The following RXRA variants were observed in gnomAD, a reference collection of about 807,000 sequenced individuals.
RXRA encodes retinoic acid receptor RXR-alpha.
Under a neutral mutation model 44.5 loss-of-function variants are expected in RXRA, and 5 were observed. That is an observed-to-expected ratio of 0.11 (90% confidence interval 0.06 to 0.24). The LOEUF is 0.24. Among genes scored for constraint, RXRA ranks in the 10% least tolerant of loss-of-function variants. The pLI, the probability that RXRA is intolerant of heterozygous loss-of-function variation, is 1.00. For missense variants in RXRA, 412 were observed against 646.5 expected (o/e 0.64, Z 3.93); for synonymous variants, 291 against 271.4 (o/e 1.07, Z -0.71).
At chr9:134,375,104 G>GTGTATATAAC (rs1340671326) in intron 1 of RXRA, among the ~76,000 whole-genome samples, 1 of 152,190 alleles carries the variant, frequency 6.6e-6, no homozygotes, top group Admixed American at 6.5e-5. Context: ...CTCTGGGAAG[G>GTGTATATAAC]CTTCCTGGAG....
intron 1 of RXRA, among the ~76,000 whole-genome samples, chr9:134,377,363 AGAGCATGGGAGGCCTG>A (rs1003864703): frequency 1.0e-3 from 159 of 152,320 alleles, no homozygotes; most frequent in Admixed American, 3.2e-3. Context: ...CAGGTGGCCC[AGAGCATGGGAGGCCTG>A]GAGCATGGGA....
At chr9:134,331,756 T>C (rs1329053974) in intron 1 of RXRA, among the ~76,000 whole-genome samples, 1 of 130,496 alleles carries the variant, frequency 7.7e-6, no homozygotes, top group Non-Finnish European at 1.6e-5. Context: ...GGCCAGCCTT[T>C]GTGTCCCGCT....
Position 134,417,200 on chromosome 9 carries a change from A to G in RXRA, c.653A>G (p.Asn218Ser). ...CAGCGTGGCAAGGACCGGAACGAGA[A>G]TGAGGTGGAGTCGACCAGCAGCGCC... Reference protein sequence around the residue: ...ERQRGKDRNENEVESTSSANE... With the variant: ...ERQRGKDRNESEVESTSSANE... Residue 218 changes from asparagine (N) to serine (S), a missense_variant, in exon 5 of 10, where the codon AAT (asparagine) becomes AGT (serine). Physicochemically the swap from Asn to Ser is conservative, Grantham distance 46 (BLOSUM62 1). This residue lies in a region of RXRA where 67 missense variants were observed against 78.7 expected (regional missense o/e 0.85). Transcript: ENST00000481739. The surrounding 1 kb of genome is among the most constrained non-coding windows in gnomAD (Gnocchi z 6.1). The G allele has an allele frequency of 6.2e-7, 1 of 1,613,460 alleles. No individual in the cohort carries two copies. Among genetic ancestry groups the G allele is most frequent in the South Asian group, 1.1e-5 (1 of 91,090 alleles).
intron 3 of RXRA, among the ~76,000 whole-genome samples, chr9:134,408,683 G>A (rs1415907008): frequency 1.3e-5 from 2 of 152,254 alleles, no homozygotes; most frequent in Non-Finnish European, 2.9e-5. Context: ...GCACAGTGCA[G>A]ACACAGAGCA....
intron 1 of RXRA, among the ~76,000 whole-genome samples, chr9:134,376,182 C>T (rs973670017): frequency 6.6e-6 from 1 of 152,318 alleles, no homozygotes. Flanking sequence ...CCTCTGCAGG[C>T]GCAGCCAGGC....
At chr9:134,383,515 C>T (rs1830675978) in intron 1 of RXRA, among the ~76,000 whole-genome samples, 1 of 152,162 alleles carries the variant, frequency 6.6e-6, no homozygotes, top group African/African-American at 2.4e-5. Flanking sequence ...GAGACCGCAC[C>T]ACTTAGCTGT....
intron 1 of RXRA, among the ~76,000 whole-genome samples, chr9:134,371,548 C>T (rs548107523): frequency 3.9e-5 from 6 of 152,388 alleles, no homozygotes; most frequent in South Asian, 2.1e-4. Flanking sequence ...CCCTAGGCCT[C>T]GCCCCTAACA....
chr9:134,412,836 T>C (rs1831171111), intron 4 of RXRA, among the ~76,000 whole-genome samples: 1 of 152,154 alleles, frequency 6.6e-6, no homozygotes, highest in African/African-American at 2.4e-5. Context: ...GACATTGGTC[T>C]AGAGGGGGCA....
At chr9:134,422,605 A>AGGACGCTCCCCACTCCCG (rs1564295210) in intron 6 of RXRA, 1 of 802,938 alleles carries the variant, frequency 1.2e-6, no homozygotes, top group Non-Finnish European at 1.4e-6. Flanking sequence ...CCCCGCTCCC[A>AGGACGCTCCCCACTCCCG]GGACGCTCCC....
chr9:134,371,623 C>T (rs528480107), intron 1 of RXRA, among the ~76,000 whole-genome samples: 4 of 152,386 alleles, frequency 2.6e-5, no homozygotes, highest in African/African-American at 7.2e-5. Flanking sequence ...CAGGGCCTGG[C>T]GGCCAGCTCT....
intron 2 of RXRA, 46 bp from the exon 3 acceptor site, chr9:134,408,103 C>A (rs1805352): frequency 0.66 from 963,677 of 1,460,986 alleles, 324,488 homozygotes; most frequent in East Asian, 0.76. Context: ...GACATAGGGA[C>A]AAACCTGGTG....
At chr9:134,416,088 G>A (rs1831229631) in intron 4 of RXRA, among the ~76,000 whole-genome samples, 1 of 152,108 alleles carries the variant, frequency 6.6e-6, no homozygotes, top group Non-Finnish European at 1.5e-5. Flanking sequence ...GACGTGTCTC[G>A]GGGGAACCGC....
At chr9:134,393,195 A>G (rs1053895515) in intron 1 of RXRA, among the ~76,000 whole-genome samples, 13 of 152,132 alleles carry the variant, frequency 8.5e-5, no homozygotes, top group Admixed American at 8.5e-4. Context: ...TAAAGCCATG[A>G]GCGACCTGGG....
chr9:134,371,712 C>T (rs539085347), intron 1 of RXRA, among the ~76,000 whole-genome samples: 179 of 152,270 alleles, frequency 1.2e-3, no homozygotes, highest in African/African-American at 4.1e-3. Flanking sequence ...TGGCGTGCGC[C>T]CCCTTGAAGT....
Position 134,436,719 on chromosome 9 carries a change from G to A in RXRA, c.*105G>A, listed in dbSNP as rs1831628752. 1 of 1,377,102 alleles carries A rather than the reference G, an allele frequency of 7.3e-7. No individual in the cohort carries two copies. Among genetic ancestry groups the A allele is most frequent in the Non-Finnish European group, 1.0e-6 (1 of 1,000,942 alleles). The allele number at this position is 1,377,102 out of a possible 1,614,324, so 85.3% of individuals were successfully genotyped here. A position where few individuals can be genotyped will look rare whatever the true frequency, so the allele number is the denominator to read the frequency against. ...GTCCCTGCCCTTCTCTGCCTGGCCT[G>A]TTTGGACTTTGGGGCACAGCCTGTC... On this transcript the variant is annotated 3_prime_UTR_variant, in exon 10 of 10. Coordinates refer to ENST00000481739, the MANE Select transcript of RXRA (RefSeq NM_002957.6).
intron 1 of RXRA, among the ~76,000 whole-genome samples, chr9:134,393,470 C>T (rs1056220782): frequency 1.3e-5 from 2 of 152,152 alleles, no homozygotes; most frequent in Non-Finnish European, 2.9e-5. Flanking sequence ...CCCCTTAGCG[C>T]CTGGGGCATC....
At chr9:134,421,574 T>C in intron 5 of RXRA, 102 bp from the exon 6 acceptor site, 1 of 1,344,502 alleles carries the variant, frequency 7.4e-7, no homozygotes, top group South Asian at 1.4e-5. Flanking sequence ...GTATTCAGCG[T>C]CCTGCATGGG....
chr9:134,340,928 A>G (rs1554748040), intron 1 of RXRA, among the ~76,000 whole-genome samples: 7 of 152,146 alleles, frequency 4.6e-5, no homozygotes, highest in Non-Finnish European at 1.0e-4. Context: ...AAAGGAGAGG[A>G]AGGAAGGCTT....
Position 134,411,944 on chromosome 9 carries a change from C to T in RXRA, c.610+2825C>T, listed in dbSNP as rs35738419. The stretch of plus-strand genomic sequence containing the variant: ...GGGCCCCTGGTGCAGCCCAGGCACT[C>T]GCCCTGCAGGGACCCCACGTGGAAA... On this transcript the variant is annotated intron_variant, in intron 4 of 9. Coordinates refer to ENST00000481739, the MANE Select transcript of RXRA (RefSeq NM_002957.6). Among the ~76,000 whole-genome samples, 102 of 152,272 alleles carry T rather than the reference C, an allele frequency of 6.7e-4. 1 individual carries two copies. Among genetic ancestry groups the T allele is most frequent in the African/African-American group, 2.1e-3 (86 of 41,554 alleles).
Sources: allele counts gnomAD v4.1 joint callset (sites outside exome capture counted in the v4.1 genomes callset), GRCh38; gene constraint gnomAD v4.1.1; regional missense constraint gnomAD v4.1.1; non-coding constraint Gnocchi (gnomAD v3.1); transcripts MANE v1.5; gene names NCBI Gene and HGNC (gene_info 2026-07-23, HGNC 2026-07-21).